The following PARG variants were observed in gnomAD, a reference collection of about 807,000 sequenced individuals.
PARG encodes the protein mitochondrial poly(ADP-ribose) glycohydrolase.
Under a neutral mutation model 113.0 loss-of-function variants are expected in PARG, and 35 were observed. That is an observed-to-expected ratio of 0.31 (90% CI 0.24 to 0.41). The LOEUF is 0.41. Among genes scored for constraint, PARG ranks in the 10% least tolerant of loss-of-function variants. PARG has a pLI of 1.00. For synonymous variants in PARG, 330 were observed against 409.9 expected (o/e 0.81, Z 2.36); for missense variants, 797 against 1,169.4 (o/e 0.68, Z 4.64).
chr10:49,934,227 A>G, intron 2 of PARG, 64 bp from the exon 3 acceptor site: 1 of 708,940 alleles, frequency 1.4e-6, no homozygotes, highest in Non-Finnish European at 2.5e-6. Context: ...ATCCAATCAT[A>G]CCCCCAGTGT....
In PARG at chr10:49,922,380, G is replaced by C. The variant is rs1232057540; in HGVS notation, c.1618C>G (p.Gln540Glu). Residue 540 changes from glutamine to glutamate, a missense_variant, in exon 6 of 18, where the codon CAG (glutamine) becomes GAG (glutamate). Around this residue, in one of 5 missense-constraint regions of PARG, gnomAD observed 252 missense variants for 437.4 expected, o/e 0.58. Coordinates refer to ENST00000616448, the MANE Select transcript of PARG (RefSeq NM_003631.5). ...GTAAATTTGTTGAGAAGTGCAGTCT[G>C]AATGAGCTCCCACCGGCTCCCCGCA... The part of the protein sequence containing the change: ...RTAGSRWELI[Q>E]TALLNKFTRP... 8 of 1,606,882 alleles carry C rather than the reference G, an allele frequency of 5.0e-6. No homozygotes were observed. The African/African-American group carries it at 8.0e-5, about 16-fold the overall frequency.
chr10:49,936,176 A>G lies in PARG; in HGVS notation c.218-1034T>C, dbSNP rs1838728998. On this transcript the variant is annotated intron_variant, in intron 1 of 17. Coordinates refer to ENST00000616448, the MANE Select transcript of PARG (RefSeq NM_003631.5). ...TGATTCTGATGATCCACTAGATTGA[A>G]CAGTTACTGGCCAAGAACATAAACT... Among the ~76,000 whole-genome samples, 6 of 152,284 alleles carry G rather than the reference A, an allele frequency of 3.9e-5. No individual in the cohort carries two copies. In the South Asian group the frequency reaches 8.3e-4, roughly 21 times the overall value.
rs1372942704 is a variant in PARG at position 49,882,223 on chromosome 10, G to T, written c.1831-2393C>A. ...ATGTAAATCTTACTGTCAAGCAATC[G>T]GCTCAACAAAATAAGAGGCTGGTTA... On this transcript the variant is annotated intron_variant, in intron 8 of 17. Transcript: ENST00000616448. 7.3e-5 allele frequency among the ~76,000 whole-genome samples: 11 copies of T among 149,846 alleles called. No homozygotes were observed. The East Asian group carries it at 2.2e-3, about 29-fold the overall frequency.
intron 3 of PARG, among the ~76,000 whole-genome samples, chr10:49,932,733 C>G (rs1258310812): frequency 6.6e-6 from 1 of 151,526 alleles, no homozygotes; most frequent in Non-Finnish European, 1.5e-5. Flanking sequence ...TCAGAAGGTA[C>G]ATGATTCCAG....
chr10:49,851,915 G>A (rs1222895909), intron 13 of PARG, among the ~76,000 whole-genome samples: 2 of 150,066 alleles, frequency 1.3e-5, no homozygotes, highest in Non-Finnish European at 3.0e-5. Context: ...AACACTGTCT[G>A]TATAAAAGTA....
chr10:49,927,001 A>G (rs1289088865), intron 4 of PARG, among the ~76,000 whole-genome samples: 2 of 152,018 alleles, frequency 1.3e-5, no homozygotes, highest in African/African-American at 4.8e-5. Context: ...GTTTAGTAAC[A>G]CCGCAACTTA....
intron 7 of PARG, among the ~76,000 whole-genome samples, chr10:49,906,202 C>CA (rs1369910487): frequency 6.9e-6 from 1 of 145,380 alleles, no homozygotes; most frequent in Non-Finnish European, 1.5e-5. Context: ...AGGCTGGTCT[C>CA]AAACTCCTGA....
rs1347818546 is a variant in PARG at position 49,933,725 on chromosome 10, G to A, written c.723C>T (p.Cys241=). The part of the protein sequence containing the change: ...AKSHQKCSKS[C]DPGEDCASCQ... ...AACTTGCACAGTCTTCCCCAGGATC[G>A]CAAGACTTGCTGCACTTCTGGTGGC... The change falls in exon 3 of 18, where the codon TGC becomes TGT. Residue 241 remains cysteine (C), a synonymous_variant. Transcript: ENST00000616448. 22 of 1,611,324 alleles carry A rather than the reference G, an allele frequency of 1.4e-5. 1 individual carries two copies. The East Asian group carries it at 1.8e-4, about 13-fold the overall frequency.
rs1166278905 is a variant in PARG at position 49,941,952 on chromosome 10, T to G, written c.-227A>C. 71 of 947,476 alleles carry G rather than the reference T, an allele frequency of 7.5e-5. 1 individual carries two copies. The African/African-American group carries it at 1.1e-3, about 15-fold the overall frequency. 58.7% of individuals were successfully genotyped at this position (947,476 alleles called of 1,614,324 possible). The stretch of plus-strand genomic sequence containing the variant: ...CACCCCACCTGCCTCAATGCGCCGC[T>G]TTGATTCGGGATTCGTTCACTTTCC... On this transcript the variant is annotated 5_prime_UTR_variant, in exon 1 of 18. Coordinates refer to ENST00000616448, the MANE Select transcript of PARG (RefSeq NM_003631.5).
At chr10:49,887,338 A>G (rs1245165203) in intron 7 of PARG, among the ~76,000 whole-genome samples, 2 of 152,170 alleles carry the variant, frequency 1.3e-5, no homozygotes, top group Non-Finnish European at 2.9e-5. Flanking sequence ...GAATACCAGT[A>G]CAATGTGTAT....
In PARG at chr10:49,941,505, G is replaced by A. The variant is rs1839067529; in HGVS notation, c.217+4C>T. The A allele has an allele frequency of 6.5e-7, 1 of 1,544,706 alleles. No homozygotes were observed. On this transcript the variant is annotated splice_donor_region_variant and intron_variant, in intron 1 of 17. Coordinates refer to ENST00000616448, the MANE Select transcript of PARG (RefSeq NM_003631.5). ...AGGACAAAGATTTTTATTTTCCCAC[G>A]TACCAAGCGAGGTGGCGCTGCCTCT...
chr10:49,866,753 T>G (rs1450828034), intron 10 of PARG, among the ~76,000 whole-genome samples: 1 of 152,182 alleles, frequency 6.6e-6, no homozygotes, highest in African/African-American at 2.4e-5. Context: ...CAAGGCAACT[T>G]TCATCTCAGA....
intron 13 of PARG, among the ~76,000 whole-genome samples, chr10:49,848,490 T>C (rs1554833700): frequency 6.8e-6 from 1 of 146,968 alleles, no homozygotes; most frequent in African/African-American, 2.5e-5. Flanking sequence ...AGTCTATTAT[T>C]TAATATACTA....
At chr10:49,823,298 A>T (rs1844196159) in intron 16 of PARG, among the ~76,000 whole-genome samples, 1 of 152,154 alleles carries the variant, frequency 6.6e-6, no homozygotes, top group East Asian at 1.9e-4. Flanking sequence ...TTTTAAATAG[A>T]AAGTTTTAAA....
rs1564664733 is a variant in PARG, at chr10:49,927,353, A to AAAGAAAGAAGGAAAGAAG, written c.1456-4685_1456-4684insCTTCTTTCCTTCTTTCTT. ...AGGAAAGAAGGAAGGAAGGAAGGAA[A>AAAGAAAGAAGGAAAGAAG]GAAAGAAGGAAAGAAGGAAAGAAAG... On this transcript the variant is annotated intron_variant, in intron 4 of 17. Coordinates refer to ENST00000616448, the MANE Select transcript of PARG (RefSeq NM_003631.5). Among the ~76,000 whole-genome samples, 9 of 127,242 alleles carry AAAGAAAGAAGGAAAGAAG rather than the reference A, an allele frequency of 7.1e-5. No homozygotes were observed. The South Asian group carries it at 2.1e-3, about 29-fold the overall frequency. 83.5% of individuals were successfully genotyped at this position (127,242 alleles called of 152,430 possible).
intron 7 of PARG, among the ~76,000 whole-genome samples, chr10:49,898,038 C>T (rs2573442): frequency 6.6e-6 from 1 of 152,052 alleles, no homozygotes. Flanking sequence ...GATGCCAGAG[C>T]TTTTCTTCCC....
At chr10:49,906,319 C>T (rs1464677691) in intron 7 of PARG, among the ~76,000 whole-genome samples, 18 of 151,904 alleles carry the variant, frequency 1.2e-4, no homozygotes, top group African/African-American at 3.4e-4. Flanking sequence ...AGGCTATGGG[C>T]CATTAAGGCC....
chr10:49,828,761 G>A (rs895486940), intron 16 of PARG, among the ~76,000 whole-genome samples: 1 of 152,236 alleles, frequency 6.6e-6, no homozygotes, highest in African/African-American at 2.4e-5. Flanking sequence ...TGCAGTCCCA[G>A]CTACTTGGGA....
At chr10:49,916,461 AT>A (rs1273013447) in intron 6 of PARG, among the ~76,000 whole-genome samples, 1 of 152,098 alleles carries the variant, frequency 6.6e-6, no homozygotes, top group African/African-American at 2.4e-5. Flanking sequence ...TAAAAATTTC[AT>A]GGGGATGAGG....
Sources: gnomAD v4.1 joint callset for allele counts (sites outside exome capture counted in the v4.1 genomes callset) on GRCh38, gnomAD v4.1.1 for gene constraint, gnomAD v4.1.1 regional missense constraint, MANE v1.5 for transcripts, NCBI Gene and HGNC (gene_info 2026-07-23, HGNC 2026-07-21) for gene names.